PRDM11: variants seen among roughly 807,000 people sequenced by gnomAD.
The protein encoded by PRDM11 is PR domain-containing protein 11.
PRDM11 carries 20 observed loss-of-function variants against 97.8 expected under a neutral mutation model. The ratio of observed to expected loss-of-function variants is 0.20; its 90% CI spans 0.14 to 0.30. PRDM11 has a LOEUF of 0.30. Among genes scored for constraint, PRDM11 ranks in the 10% least tolerant of loss-of-function variants. The pLI, the probability that PRDM11 is intolerant of heterozygous loss-of-function variation, is 1.00. For synonymous variants in PRDM11, 599 were observed against 637.7 expected, an observed-to-expected ratio of 0.94 and a Z score of 0.91; for missense variants, 1,139 against 1,555.2, an observed-to-expected ratio of 0.73 and a Z score of 4.50.
At chr11:45,148,054 C>T (rs192295525) in intron 1 of PRDM11, among the ~76,000 whole-genome samples, 251 of 152,110 alleles carry the variant, frequency 1.7e-3, no homozygotes, top group African/African-American at 5.8e-3. Context: ...TCGGGCTTTC[C>T]TAGGGTCATT....
chr11:45,131,369 T>G (rs559988097), intron 1 of PRDM11, among the ~76,000 whole-genome samples: 3 of 152,346 alleles, frequency 2.0e-5, no homozygotes, highest in Admixed American at 6.5e-5. Context: ...TTTCTGTATA[T>G]ACGTTATACT....
At chr11:45,209,245 G>A (rs889541732) in intron 5 of PRDM11, 5 of 394,674 alleles carry the variant, frequency 1.3e-5, no homozygotes, top group East Asian at 7.3e-5. Flanking sequence ...CGTGCAGGGC[G>A]CGGCTTCCCC....
intron 1 of PRDM11, among the ~76,000 whole-genome samples, chr11:45,163,146 A>G (rs975210724): frequency 4.6e-5 from 7 of 152,068 alleles, no homozygotes; most frequent in African/African-American, 1.7e-4. Flanking sequence ...TTCCCTCTCC[A>G]TGGGTAGCTG....
At chr11:45,213,130 G>A (rs1439066596) in intron 5 of PRDM11, 1 of 456,648 alleles carries the variant, frequency 2.2e-6, no homozygotes, top group Non-Finnish European at 4.4e-6. Context: ...TCCAGGAACA[G>A]GATCGATGAC....
At chr11:45,110,483 G>A (rs1852151943) in intron 1 of PRDM11, among the ~76,000 whole-genome samples, 1 of 152,236 alleles carries the variant, frequency 6.6e-6, no homozygotes, top group Admixed American at 6.5e-5. Context: ...ATGGGGCCAG[G>A]TAGGAGAAAT....
At chr11:45,174,882 T>C (rs1852290636) in intron 1 of PRDM11, among the ~76,000 whole-genome samples, 1 of 152,238 alleles carries the variant, frequency 6.6e-6, no homozygotes, top group Non-Finnish European at 1.5e-5. Context: ...GTATAGACTT[T>C]AAGTGGAATT....
At chr11:45,167,795 A>G (rs1344336815) in intron 1 of PRDM11, among the ~76,000 whole-genome samples, 3 of 137,042 alleles carry the variant, frequency 2.2e-5, no homozygotes, top group Non-Finnish European at 3.1e-5. Context: ...ACACACACAC[A>G]CACACACGCC....
chr11:45,127,333 A>G (rs1416434272), intron 1 of PRDM11, among the ~76,000 whole-genome samples: 1 of 151,874 alleles, frequency 6.6e-6, no homozygotes, highest in Non-Finnish European at 1.5e-5. Context: ...TCTTCTCCCA[A>G]CTTGTCAAAG....
At chr11:45,162,751 G>A (rs1412767699) in intron 1 of PRDM11, among the ~76,000 whole-genome samples, 3 of 152,220 alleles carry the variant, frequency 2.0e-5, no homozygotes, top group Admixed American at 6.5e-5. Flanking sequence ...TGGGAGCCAC[G>A]ATGCTATAAA....
intron 1 of PRDM11, among the ~76,000 whole-genome samples, chr11:45,173,957 A>G (rs1242542879): frequency 6.6e-6 from 1 of 152,204 alleles, no homozygotes; most frequent in East Asian, 1.9e-4. Context: ...TATTTCCACA[A>G]ACTTATTATA....
At chr11:45,156,189 C>T (rs1851789806) in intron 1 of PRDM11, among the ~76,000 whole-genome samples, 1 of 152,186 alleles carries the variant, frequency 6.6e-6, no homozygotes, top group South Asian at 2.1e-4. Flanking sequence ...AGATGATGGG[C>T]AGTGTAAAGA....
At chr11:45,115,764 T>C (rs767316643) in intron 1 of PRDM11, among the ~76,000 whole-genome samples, 1 of 151,838 alleles carries the variant, frequency 6.6e-6, no homozygotes, top group Non-Finnish European at 1.5e-5. Context: ...ACCCTGTCTC[T>C]ACTAAAAATA....
At chr11:45,118,637 ACT>A (rs1376734738) in intron 1 of PRDM11, among the ~76,000 whole-genome samples, 2 of 152,248 alleles carry the variant, frequency 1.3e-5, no homozygotes, top group East Asian at 3.8e-4. Context: ...AGAATTTAAC[ACT>A]CATTTGTGAT....
intron 1 of PRDM11, among the ~76,000 whole-genome samples, chr11:45,108,014 T>G (rs1467781619): frequency 6.6e-6 from 1 of 152,036 alleles, no homozygotes; most frequent in Non-Finnish European, 1.5e-5. Context: ...TGTGTGTGTA[T>G]TTTGTATTTT....
chr11:45,195,426 C>T (rs1211804448), intron 4 of PRDM11, among the ~76,000 whole-genome samples: 1 of 151,970 alleles, frequency 6.6e-6, no homozygotes, highest in East Asian at 1.9e-4. Flanking sequence ...TACTTTCTGA[C>T]CCTATGGATT....
rs537143384 is a variant in PRDM11 at position 45,141,312 on chromosome 11, C to G, written c.97-40449C>G. ...CCTGGTGGCTGCACCCTCGTGTAGT[C>G]CTCTCCCACACTGTACCAGGGTTGG... On this transcript the variant is annotated intron_variant, in intron 1 of 6. Coordinates refer to the PRDM11 transcript ENST00000530656. Among the ~76,000 whole-genome samples the G allele has an allele frequency of 5.3e-5, 8 of 152,298 alleles. No homozygotes were observed. In the East Asian group the frequency reaches 1.5e-3, roughly 29 times the overall value.
upstream of PRDM11, among the ~76,000 whole-genome samples, chr11:45,146,210 AGG>A (rs949965110): frequency 6.6e-6 from 1 of 152,098 alleles, no homozygotes; most frequent in African/African-American, 2.4e-5. Context: ...TGGGACCGGG[AGG>A]GGGCCAGCCG....
At chr11:45,177,490 TC>T (rs1852357483) in intron 1 of PRDM11, among the ~76,000 whole-genome samples, 1 of 152,124 alleles carries the variant, frequency 6.6e-6, no homozygotes, top group South Asian at 2.1e-4. Context: ...CAGCACATGT[TC>T]TCCCTCTCTC....
chr11:45,095,620 T>G (rs11038296), upstream of PRDM11, among the ~76,000 whole-genome samples: 15,210 of 152,294 alleles, frequency 0.1, 824 homozygotes, highest in Middle Eastern at 0.25. Flanking sequence ...CCTCTGCAAT[T>G]ACATGTCACT....
Sources: allele counts gnomAD v4.1 joint callset (sites outside exome capture counted in the v4.1 genomes callset), GRCh38; gene constraint gnomAD v4.1.1; transcripts MANE v1.5; gene names NCBI Gene and HGNC (gene_info 2026-07-23, HGNC 2026-07-21).